The following INPP4B variants were observed in gnomAD, a reference collection of about 807,000 sequenced individuals.
INPP4B encodes inositol polyphosphate 4-phosphatase type II.
INPP4B carries 55 observed loss-of-function variants against 122.5 expected under a neutral mutation model. That is an observed-to-expected ratio of 0.45 (90% CI 0.36 to 0.56). The LOEUF (loss-of-function observed/expected upper bound fraction) is 0.56, where lower values mean the gene tolerates loss of function less well. Among genes scored for constraint, INPP4B ranks in the 20% least tolerant of loss-of-function variants. The pLI, the probability that INPP4B is intolerant of heterozygous loss-of-function variation, is 0.00. For synonymous variants in INPP4B, 403 were observed against 388.7 expected, an observed-to-expected ratio of 1.04 and a Z score of -0.43; for missense variants, 1,000 against 1,097.7, an observed-to-expected ratio of 0.91 and a Z score of 1.26.
chr4:142,047,623 G>A (rs747054976), intron 25 of INPP4B, among the ~76,000 whole-genome samples: 17 of 151,994 alleles, frequency 1.1e-4, no homozygotes, highest in East Asian at 1.9e-4. Flanking sequence ...GATACTCTTC[G>A]GCTCCCACAA....
At chr4:142,651,257 C>A (rs374435858) in intron 2 of INPP4B, among the ~76,000 whole-genome samples, 1 of 151,988 alleles carries the variant, frequency 6.6e-6, no homozygotes, top group African/African-American at 2.4e-5. Context: ...AAAATGCCTG[C>A]AAGAGAAAGA....
At chr4:142,214,005 T>C (rs941933381) in intron 12 of INPP4B, among the ~76,000 whole-genome samples, 2 of 152,200 alleles carry the variant, frequency 1.3e-5, no homozygotes, top group Non-Finnish European at 2.9e-5. Flanking sequence ...GTGGATCTGC[T>C]TGAGCCCAAA....
At chr4:142,205,586 C>T (rs1579282396) in intron 14 of INPP4B, among the ~76,000 whole-genome samples, 1 of 152,190 alleles carries the variant, frequency 6.6e-6, no homozygotes, top group East Asian at 1.9e-4. Flanking sequence ...TATAATAAAG[C>T]TACCATTATT....
At chr4:142,742,522 C>T (rs75383845) in intron 1 of INPP4B, among the ~76,000 whole-genome samples, 4,148 of 151,664 alleles carry the variant, frequency 0.027, 78 homozygotes, top group Middle Eastern at 0.095. Context: ...AAAGCAATGA[C>T]GGATGTCAGA....
At chr4:142,543,020 T>G (rs1265982600) in intron 2 of INPP4B, among the ~76,000 whole-genome samples, 2 of 152,186 alleles carry the variant, frequency 1.3e-5, no homozygotes, top group African/African-American at 4.8e-5. Flanking sequence ...TTATTATTAG[T>G]GAAAACACCC....
chr4:142,531,150 G>A (rs1827563483), intron 2 of INPP4B, among the ~76,000 whole-genome samples: 1 of 151,908 alleles, frequency 6.6e-6, no homozygotes, highest in South Asian at 2.1e-4. Flanking sequence ...TCTAGATTCT[G>A]GATACAGTTT....
chr4:142,040,142 A>T (rs1697390764), intron 25 of INPP4B, among the ~76,000 whole-genome samples: 1 of 151,996 alleles, frequency 6.6e-6, no homozygotes, highest in South Asian at 2.1e-4. Flanking sequence ...GAGGAAGGAG[A>T]GGGAGAGACA....
At chr4:142,641,795 G>A (rs1750539527) in intron 2 of INPP4B, among the ~76,000 whole-genome samples, 1 of 152,086 alleles carries the variant, frequency 6.6e-6, no homozygotes, top group African/African-American at 2.4e-5. Context: ...TAATGATTTG[G>A]CTGTGTCAAA....
chr4:142,699,806 G>GCA (rs1761485580), intron 2 of INPP4B, among the ~76,000 whole-genome samples: 1 of 152,082 alleles, frequency 6.6e-6, no homozygotes, highest in African/African-American at 2.4e-5. Context: ...ATCTGCACTT[G>GCA]TATATCTTGC....
chr4:142,654,174 A>G (rs1753628551), intron 2 of INPP4B, among the ~76,000 whole-genome samples: 2 of 152,080 alleles, frequency 1.3e-5, no homozygotes, highest in South Asian at 4.1e-4. Context: ...GAACAATGAG[A>G]ACACTTAAGA....
chr4:142,090,834 C>A (rs1305891493), intron 23 of INPP4B, among the ~76,000 whole-genome samples: 4 of 151,414 alleles, frequency 2.6e-5, no homozygotes, highest in Non-Finnish European at 5.9e-5. Flanking sequence ...TAAGAATAAA[C>A]CAATATATTA....
rs139135542 is a variant in INPP4B at position 142,447,842 on chromosome 4, T to C, written c.-127+14821A>G. ...TGGGCTCTCTGATGTGTGGCCTGCCTACATGAGAGGAGGCAGCAAGGAGGT... is the reference window on the plus strand; with the variant it reads ...TGGGCTCTCTGATGTGTGGCCTGCCCACATGAGAGGAGGCAGCAAGGAGGT... On this transcript the variant is annotated intron_variant, in intron 3 of 25. Coordinates refer to ENST00000262992, the MANE Select transcript of INPP4B (RefSeq NM_001101669.3). Among the ~76,000 whole-genome samples, 680 of 152,240 alleles carry C rather than the reference T, an allele frequency of 4.5e-3. 5 individuals carry two copies. Among genetic ancestry groups the C allele is most frequent in the African/African-American group, 0.016 (653 of 41,552 alleles).
intron 1 of INPP4B, among the ~76,000 whole-genome samples, chr4:142,793,047 G>A (rs907707089): frequency 6.6e-6 from 1 of 151,772 alleles, no homozygotes; most frequent in African/African-American, 2.4e-5. Flanking sequence ...ACTATCCCAA[G>A]ATACCCTCTG....
intron 1 of INPP4B, among the ~76,000 whole-genome samples, chr4:142,755,041 C>A (rs555714273): frequency 6.6e-6 from 1 of 152,020 alleles, no homozygotes; most frequent in Non-Finnish European, 1.5e-5. Context: ...GTGACTCTTG[C>A]ACACATACTT....
At chr4:142,552,592 G>A (rs1190100722) in intron 2 of INPP4B, among the ~76,000 whole-genome samples, 4 of 152,044 alleles carry the variant, frequency 2.6e-5, no homozygotes. Flanking sequence ...GAATATTCTT[G>A]GAAAGTGCAA....
At chr4:142,772,124 C>T (rs930219469) in intron 1 of INPP4B, among the ~76,000 whole-genome samples, 7 of 151,976 alleles carry the variant, frequency 4.6e-5, no homozygotes, top group African/African-American at 1.7e-4. Flanking sequence ...AAGAGAAGTC[C>T]AGGTTGGAGA....
intron 7 of INPP4B, among the ~76,000 whole-genome samples, chr4:142,327,938 T>C (rs1396437786): frequency 6.6e-6 from 1 of 152,188 alleles, no homozygotes; most frequent in Non-Finnish European, 1.5e-5. Flanking sequence ...TCTCCTATGT[T>C]GCCTAAACTC....
intron 2 of INPP4B, among the ~76,000 whole-genome samples, chr4:142,667,198 C>T (rs1756237576): frequency 6.6e-6 from 1 of 152,192 alleles, no homozygotes; most frequent in African/African-American, 2.4e-5. Context: ...TGTGTCTACT[C>T]AATTGTAGCC....
intron 7 of INPP4B, among the ~76,000 whole-genome samples, chr4:142,352,027 G>A (rs1343544440): frequency 6.6e-6 from 1 of 151,868 alleles, no homozygotes; most frequent in African/African-American, 2.4e-5. Context: ...AACAGATCTC[G>A]GAAGCTGCTG....
Sources: allele counts gnomAD v4.1 joint callset (sites outside exome capture counted in the v4.1 genomes callset), GRCh38; gene constraint gnomAD v4.1.1; transcripts MANE v1.5; gene names NCBI Gene and HGNC (gene_info 2026-07-23, HGNC 2026-07-21).